The following SEC62 variants were observed in gnomAD, a reference collection of about 807,000 sequenced individuals.
The protein encoded by SEC62 is translocation protein SEC62.
Under a neutral mutation model 47.5 loss-of-function variants are expected in SEC62, and 10 were observed. That is an observed-to-expected ratio of 0.21 (90% confidence interval 0.13 to 0.36). SEC62 has a LOEUF of 0.36. Ranked by LOEUF, SEC62 falls within the 10% of genes least tolerant of loss-of-function variation. SEC62 has a pLI of 1.00. For missense variants in SEC62, 327 were observed against 464.1 expected (o/e 0.70, Z 2.71); for synonymous variants, 136 against 150.5 (o/e 0.90, Z 0.71).
intron 1 of SEC62, among the ~76,000 whole-genome samples, chr3:169,967,637 C>T (rs1015321906): frequency 6.6e-5 from 10 of 152,132 alleles, no homozygotes; most frequent in Admixed American, 5.9e-4. Context: ...TGCATTTCTT[C>T]CTTGCGATTT....
intron 7 of SEC62, among the ~76,000 whole-genome samples, chr3:169,990,922 A>AGT (rs1233769407): frequency 6.6e-6 from 1 of 152,236 alleles, no homozygotes; most frequent in Non-Finnish European, 1.5e-5. Context: ...ATATGAAAAC[A>AGT]GTGACAGAAT....
chr3:169,974,740 C>T (rs1463194173), intron 1 of SEC62, among the ~76,000 whole-genome samples: 3 of 152,076 alleles, frequency 2.0e-5, no homozygotes. Context: ...TCTGCAGCCA[C>T]AGGGGGAAAG....
chr3:169,992,858 C>G lies in SEC62; in HGVS notation c.995C>G (p.Thr332Arg). 3.1e-6 allele frequency: 5 copies of G among 1,613,908 alleles called. No homozygotes were observed. Among genetic ancestry groups the G allele is most frequent in the Non-Finnish European group, 4.2e-6 (5 of 1,179,984 alleles). The change falls in exon 8 of 8, where the codon ACA (threonine) becomes AGA (arginine). Residue 332 changes from threonine to arginine, a missense_variant. Thr to Arg is a moderately conservative substitution (Grantham distance 71). Transcript: ENST00000337002. This position sits in a 1 kb window ranked among gnomAD's most constrained non-coding sequence, Gnocchi z 4.0. ...AAAGTAGGACCAGGAAATCATGGAA[C>G]AGAAGGCTCGGGGGGAGAACGGCAT... is the stretch of plus-strand genomic sequence containing the variant. ...EGKVGPGNHG[T>R]EGSGGERHSD...
intron 6 of SEC62, among the ~76,000 whole-genome samples, chr3:169,986,627 A>G (rs188738139): frequency 6.6e-6 from 1 of 152,342 alleles, no homozygotes; most frequent in Admixed American, 6.5e-5. Flanking sequence ...TAGCTAGTTA[A>G]TTATATATAG....
Position 169,996,783 on chromosome 3 carries a change from T to A in SEC62, c.*3720T>A, listed in dbSNP as rs1398649404. ...ACTCTTCCTTTCTGGCCAAGGATGA[T>A]GTCAGTTCTGCTGCTACTAGCCTGG... is the stretch of plus-strand genomic sequence containing the variant. On this transcript the variant is annotated 3_prime_UTR_variant, in exon 8 of 8. Transcript: ENST00000337002. 7 of 152,292 alleles carry A rather than the reference T, an allele frequency of 4.6e-5. No individual in the cohort carries two copies. Among genetic ancestry groups the A allele is most frequent in the Non-Finnish European group, 7.3e-5 (5 of 68,114 alleles). The allele number at this position is 152,292 out of a possible 1,614,324, so 9.4% of individuals were successfully genotyped here.
In SEC62 at chr3:169,994,410, C is replaced by G. The variant is rs1318309089; in HGVS notation, c.*1347C>G. 2 of 152,566 alleles carry G rather than the reference C, an allele frequency of 1.3e-5. No homozygotes were observed. The highest frequency in any genetic ancestry group is 2.9e-5 in the Non-Finnish European group (2 of 68,010). 9.5% of individuals were successfully genotyped at this position (152,566 alleles called of 1,614,324 possible). On this transcript the variant is annotated 3_prime_UTR_variant, in exon 8 of 8. Coordinates refer to ENST00000337002, the MANE Select transcript of SEC62 (RefSeq NM_003262.4). ...TGTCAGTCTTTGCTTTAGGCTGTTT[C>G]TCATCTAAGTGTTTGAATTAAAGAT...
intron 1 of SEC62, chr3:169,969,359 C>A (rs1430341960): frequency 4.4e-6 from 2 of 456,456 alleles, no homozygotes; most frequent in Non-Finnish European, 4.4e-6. Context: ...TTCTTGGACT[C>A]ATTACTGGTC....
intron 1 of SEC62, among the ~76,000 whole-genome samples, chr3:169,971,881 G>T (rs1714708297): frequency 6.6e-6 from 1 of 152,130 alleles, no homozygotes; most frequent in South Asian, 2.1e-4. Flanking sequence ...ATTTGATATG[G>T]TCATTCTCTA....
chr3:169,971,193 C>T (rs556982362), intron 1 of SEC62, among the ~76,000 whole-genome samples: 3 of 152,024 alleles, frequency 2.0e-5, no homozygotes, highest in Non-Finnish European at 4.4e-5. Flanking sequence ...GCCACAACCT[C>T]CCAACTAGCT....
rs550342334 is a variant in SEC62, at chr3:169,990,007, CATA to C, written c.730+1652_730+1654del. Among the ~76,000 whole-genome samples the C allele has an allele frequency of 3.7e-3, 337 of 89,972 alleles. 1 individual carries two copies. Among genetic ancestry groups the C allele is most frequent in the Middle Eastern group, 5.4e-3 (1 of 186 alleles). The allele number at this position is 89,972 out of a possible 152,430, so 59.0% of individuals were successfully genotyped here. A position where few individuals can be genotyped will look rare whatever the true frequency, so the allele number is the denominator to read the frequency against. On this transcript the variant is annotated intron_variant, in intron 7 of 7. Coordinates refer to ENST00000337002, the MANE Select transcript of SEC62 (RefSeq NM_003262.4). ...TATGATATATAGATATATGATATATCATAATATTATATATCATATATATCATAT... is the reference window on the plus strand; with the variant it reads ...TATGATATATAGATATATGATATATCATATTATATATCATATATATCATAT...
chr3:169,977,068 A>G lies in SEC62; in HGVS notation c.251+17A>G. 1 of 1,535,438 alleles carries G rather than the reference A, an allele frequency of 6.5e-7. No individual in the cohort carries two copies. Among genetic ancestry groups the G allele is most frequent in the Non-Finnish European group, 8.9e-7 (1 of 1,120,026 alleles). ...CTGCAACAGGTACTGTTTATTTCTT[A>G]GTGAAGAATAACATAATAATTTTAA... is the stretch of plus-strand genomic sequence containing the variant. On this transcript the variant is annotated intron_variant, in intron 3 of 7. Coordinates refer to ENST00000337002, the MANE Select transcript of SEC62 (RefSeq NM_003262.4).
In SEC62 at chr3:169,997,949, G is replaced by A. The variant is rs915464980; in HGVS notation, c.*4886G>A. ...TTGAAGTAGCATAAAACATATATTA[G>A]ATATCTGCAACAACTGTGATGTAAC... On this transcript the variant is annotated 3_prime_UTR_variant, in exon 8 of 8. Coordinates refer to ENST00000337002, the MANE Select transcript of SEC62 (RefSeq NM_003262.4). 1 of 152,178 alleles carries A rather than the reference G, an allele frequency of 6.6e-6. No individual in the cohort carries two copies. The highest frequency in any genetic ancestry group is 6.5e-5 in the Admixed American group (1 of 15,272). The allele number at this position is 152,178 out of a possible 1,614,324, so 9.4% of individuals were successfully genotyped here.
At chr3:169,981,614 A>T (rs1714976159) in intron 3 of SEC62, among the ~76,000 whole-genome samples, 1 of 152,236 alleles carries the variant, frequency 6.6e-6, no homozygotes, top group Non-Finnish European at 1.5e-5. Context: ...TGAAACTAGA[A>T]CATGAGATTT....
At chr3:169,971,092 A>G (rs1026537007) in intron 1 of SEC62, among the ~76,000 whole-genome samples, 2 of 148,020 alleles carry the variant, frequency 1.4e-5, no homozygotes, top group African/African-American at 2.5e-5. Context: ...TTTTAAAGAG[A>G]CAAGGTCTCA....
In SEC62 at chr3:169,994,303, TACTA is replaced by T. The variant is rs1559969030; in HGVS notation, c.*1246_*1249del. ...TGAGCATAATCATTCCTTGGAGTTA[TACTA>T]ACTAATAATGAATATTAAATGATTT... On this transcript the variant is annotated 3_prime_UTR_variant, in exon 8 of 8. Transcript: ENST00000337002. 2.0e-5 allele frequency: 3 copies of T among 152,662 alleles called. No individual in the cohort carries two copies. The highest frequency in any genetic ancestry group is 4.8e-5 in the African/African-American group (2 of 41,468). 9.5% of individuals were successfully genotyped at this position (152,662 alleles called of 1,614,324 possible). A position where few individuals can be genotyped will look rare whatever the true frequency, so the allele number is the denominator to read the frequency against.
At chr3:169,990,560 A>G (rs1187865948) in intron 7 of SEC62, among the ~76,000 whole-genome samples, 2 of 152,102 alleles carry the variant, frequency 1.3e-5, no homozygotes, top group Non-Finnish European at 2.9e-5. Flanking sequence ...TGCCATTTCT[A>G]TATTGCTTTT....
At chr3:169,973,472 G>C (rs1435655651) in intron 1 of SEC62, among the ~76,000 whole-genome samples, 1 of 152,008 alleles carries the variant, frequency 6.6e-6, no homozygotes, top group Non-Finnish European at 1.5e-5. Flanking sequence ...GACCAGCCTG[G>C]CTAACATGGT....
chr3:169,990,804 G>A (rs955369889), intron 7 of SEC62, among the ~76,000 whole-genome samples: 3 of 152,076 alleles, frequency 2.0e-5, no homozygotes, highest in Non-Finnish European at 4.4e-5. Context: ...ATATTCTTGT[G>A]AAAATAAAAA....
intron 3 of SEC62, among the ~76,000 whole-genome samples, chr3:169,977,380 A>G (rs1714861423): frequency 6.6e-6 from 1 of 152,020 alleles, no homozygotes; most frequent in South Asian, 2.1e-4. Context: ...CTTTTTTTCA[A>G]AACTTTTGCA....
Sources: allele counts gnomAD v4.1 joint callset (sites outside exome capture counted in the v4.1 genomes callset), GRCh38; gene constraint gnomAD v4.1.1; non-coding constraint Gnocchi (gnomAD v3.1); transcripts MANE v1.5; gene names NCBI Gene and HGNC (gene_info 2026-07-23, HGNC 2026-07-21).